CNTN5: variants seen among roughly 807,000 people sequenced by gnomAD.
CNTN5 encodes the protein contactin 5.
A neutral mutation model predicts 129.1 loss-of-function variants in CNTN5; 77 were observed. The observed-to-expected ratio is 0.60, with a 90% CI of 0.50 to 0.72. CNTN5 has a LOEUF of 0.72. Ranked by LOEUF, CNTN5 falls within the 30% of genes least tolerant of loss-of-function variation. CNTN5 has a pLI of 0.00. For synonymous variants in CNTN5, 509 were observed against 465.6 expected (o/e 1.09, Z -1.20); for missense variants, 1,478 against 1,328.8 (o/e 1.11, Z -1.75).
At chr11:99,516,165 T>C (rs1355506745) in intron 2 of CNTN5, among the ~76,000 whole-genome samples, 1 of 152,014 alleles carries the variant, frequency 6.6e-6, no homozygotes, top group Non-Finnish European at 1.5e-5. Context: ...ACAATACTCA[T>C]AAATATAAGT....
intron 6 of CNTN5, among the ~76,000 whole-genome samples, chr11:99,900,009 G>A (rs1254531365): frequency 6.6e-6 from 1 of 151,776 alleles, no homozygotes; most frequent in Non-Finnish European, 1.5e-5. Context: ...AGGTGTTCTA[G>A]CTTGCGTTCA....
chr11:99,385,488 T>C (rs1385998506), intron 2 of CNTN5, among the ~76,000 whole-genome samples: 1 of 152,178 alleles, frequency 6.6e-6, no homozygotes, highest in East Asian at 1.9e-4. Context: ...TTTATAGTAA[T>C]GTGTTAACAA....
intron 15 of CNTN5, among the ~76,000 whole-genome samples, chr11:100,209,773 T>C (rs77499698): frequency 0.019 from 2,859 of 152,280 alleles, 97 homozygotes; most frequent in African/African-American, 0.065. Context: ...AAAGAGACTA[T>C]GGGCATATCT....
At chr11:99,224,981 GC>G (rs1860604391) in intron 1 of CNTN5, among the ~76,000 whole-genome samples, 1 of 152,112 alleles carries the variant, frequency 6.6e-6, no homozygotes, top group Admixed American at 6.6e-5. Flanking sequence ...ACTAGCAGTA[GC>G]TTTTCCAAAG....
chr11:99,623,811 A>G (rs1951037459), intron 3 of CNTN5, among the ~76,000 whole-genome samples: 1 of 151,944 alleles, frequency 6.6e-6, no homozygotes, highest in Non-Finnish European at 1.5e-5. Context: ...GATATATACT[A>G]TTTGATTTAT....
At chr11:99,406,716 G>A (rs1329203140) in intron 2 of CNTN5, among the ~76,000 whole-genome samples, 1 of 152,146 alleles carries the variant, frequency 6.6e-6, no homozygotes, top group East Asian at 1.9e-4. Flanking sequence ...AACCTTAGAA[G>A]TTTACCTGGT....
chr11:99,999,065 C>G (rs1442013703), intron 8 of CNTN5, among the ~76,000 whole-genome samples: 1 of 151,860 alleles, frequency 6.6e-6, no homozygotes, highest in Non-Finnish European at 1.5e-5. Flanking sequence ...AGAAGAAAAC[C>G]TAGGCAATAC....
intron 8 of CNTN5, among the ~76,000 whole-genome samples, chr11:99,958,285 G>C (rs1272594570): frequency 6.6e-6 from 1 of 152,186 alleles, no homozygotes; most frequent in Non-Finnish European, 1.5e-5. Context: ...AAGAAGGTAG[G>C]ATTACCAGCA....
chr11:99,379,152 A>G (rs1392350130), intron 2 of CNTN5, among the ~76,000 whole-genome samples: 1 of 144,694 alleles, frequency 6.9e-6, no homozygotes, highest in African/African-American at 2.5e-5. Context: ...CCAGCAAGTT[A>G]CTTTCCTAAG....
At chr11:100,127,362 A>G (rs971669776) in intron 13 of CNTN5, among the ~76,000 whole-genome samples, 3 of 151,908 alleles carry the variant, frequency 2.0e-5, no homozygotes, top group Non-Finnish European at 4.4e-5. Flanking sequence ...AATCCTTTGA[A>G]AGCAGTTATA....
intron 3 of CNTN5, among the ~76,000 whole-genome samples, chr11:99,662,130 G>A (rs1389576363): frequency 3.3e-5 from 5 of 151,960 alleles, no homozygotes; most frequent in Non-Finnish European, 4.4e-5. Flanking sequence ...TTCTACTAAC[G>A]GGGTTTGCCC....
At chr11:99,843,001 C>T (rs1459479911) in intron 4 of CNTN5, among the ~76,000 whole-genome samples, 2 of 152,156 alleles carry the variant, frequency 1.3e-5, no homozygotes, top group Non-Finnish European at 2.9e-5. Flanking sequence ...GAGGCCTAGG[C>T]GGGCGGATTA....
chr11:100,032,110 T>A (rs2137619919), intron 9 of CNTN5, among the ~76,000 whole-genome samples: 1 of 152,276 alleles, frequency 6.6e-6, no homozygotes, highest in Non-Finnish European at 1.5e-5. Context: ...CTTGAAACAA[T>A]GTTTCAGGAA....
At chr11:99,474,649 G>T (rs1430920514) in intron 2 of CNTN5, among the ~76,000 whole-genome samples, 1 of 152,020 alleles carries the variant, frequency 6.6e-6, no homozygotes, top group African/African-American at 2.4e-5. Context: ...AATTTATGGA[G>T]AACACCCAAC....
chr11:99,326,178 C>T (rs576371221), intron 2 of CNTN5, among the ~76,000 whole-genome samples: 25 of 152,280 alleles, frequency 1.6e-4, no homozygotes, highest in South Asian at 1.0e-3. Flanking sequence ...TTATTATTTA[C>T]GACTAAGTGG....
Position 99,350,444 on chromosome 11 carries a change from A to G in CNTN5, c.-71+24960A>G, listed in dbSNP as rs189211817. ...TATAGATATGCACTGTGAACCAGCA[A>G]TTTCACTCCTAGGTATTTACCCAAG... is the stretch of plus-strand genomic sequence containing the variant. On this transcript the variant is annotated intron_variant, in intron 2 of 24. Transcript: ENST00000524871. Among the ~76,000 whole-genome samples, 94 of 152,276 alleles carry G rather than the reference A, an allele frequency of 6.2e-4. 1 individual carries two copies. The highest frequency in any genetic ancestry group is 2.0e-3 in the African/African-American group (83 of 41,546).
intron 20 of CNTN5, among the ~76,000 whole-genome samples, chr11:100,303,655 A>G (rs981923975): frequency 7.3e-5 from 11 of 151,580 alleles, no homozygotes; most frequent in Non-Finnish European, 1.0e-4. Flanking sequence ...TATTAAACCT[A>G]AAAAGCCTGT....
rs555369755 is a variant in CNTN5, at chr11:100,243,142, CACAG to C, written c.2006-12614_2006-12611del. On this transcript the variant is annotated intron_variant, in intron 16 of 24. Coordinates refer to ENST00000524871, the MANE Select transcript of CNTN5 (RefSeq NM_014361.4). ...TGTAGTGTGCACGTGCGTGTGCACA[CACAG>C]ACACACACATATACACTCACTCCCA... is the stretch of plus-strand genomic sequence containing the variant. Among the ~76,000 whole-genome samples the C allele has an allele frequency of 4.2e-4, 64 of 152,322 alleles. 1 individual carries two copies. In the East Asian group the frequency reaches 0.011, roughly 26 times the overall value.
At chr11:99,201,552 T>C (rs932042972) in intron 1 of CNTN5, among the ~76,000 whole-genome samples, 1 of 152,024 alleles carries the variant, frequency 6.6e-6, no homozygotes, top group African/African-American at 2.4e-5. Context: ...GAAAAAAAGA[T>C]TGAAGGTTGT....
Sources: gnomAD v4.1 joint callset for allele counts (sites outside exome capture counted in the v4.1 genomes callset) on GRCh38, gnomAD v4.1.1 for gene constraint, MANE v1.5 for transcripts, NCBI Gene and HGNC (gene_info 2026-07-23, HGNC 2026-07-21) for gene names.